The following MACROD2 variants were observed in gnomAD, a reference collection of about 807,000 sequenced individuals.
MACROD2 encodes the protein ADP-ribose glycohydrolase MACROD2.
In MACROD2, 36 loss-of-function variants were observed where a neutral mutation model predicts 70.4. The ratio of observed to expected loss-of-function variants is 0.51; its 90% CI spans 0.39 to 0.68. The LOEUF is 0.68. Ranked by LOEUF, MACROD2 falls within the 30% of genes least tolerant of loss-of-function variation. MACROD2 has a pLI of 0.00. For synonymous variants in MACROD2, 172 were observed against 178.8 expected (o/e 0.96, Z 0.30); for missense variants, 496 against 538.4 (o/e 0.92, Z 0.78).
chr20:15,470,331 G>A (rs765983656), intron 7 of MACROD2, among the ~76,000 whole-genome samples: 7 of 152,210 alleles, frequency 4.6e-5, no homozygotes, highest in Non-Finnish European at 1.0e-4. Flanking sequence ...TTATAGGCAT[G>A]AGCCACTGCG....
At chr20:14,235,868 T>A (rs2081864906) in intron 3 of MACROD2, among the ~76,000 whole-genome samples, 1 of 151,836 alleles carries the variant, frequency 6.6e-6, no homozygotes, top group African/African-American at 2.4e-5. Context: ...CCATCTTTTA[T>A]AAGGTTTCAC....
intron 7 of MACROD2, among the ~76,000 whole-genome samples, chr20:15,481,060 A>G (rs1348289623): frequency 6.6e-6 from 1 of 152,246 alleles, no homozygotes; most frequent in Non-Finnish European, 1.5e-5. Flanking sequence ...CTCTAACCAT[A>G]GCATTCTTCA....
chr20:14,862,348 A>T (rs867977943), intron 5 of MACROD2, among the ~76,000 whole-genome samples: 4 of 11,058 alleles, frequency 3.6e-4, no homozygotes, highest in South Asian at 3.6e-3. Context: ...TTAATATATA[A>T]AAATATATAT....
rs1600816889 is a variant in MACROD2, at chr20:15,731,177, C to T, written c.646-131568C>T. ...ATAGTCTGAATTTTATTTCTGTAAT[C>T]TCAGCCATTTCAGCCTGGTTAAGAA... On this transcript the variant is annotated intron_variant, in intron 8 of 17. Coordinates refer to ENST00000684519, the MANE Select transcript of MACROD2 (RefSeq NM_001351661.2). Among the ~76,000 whole-genome samples the T allele has an allele frequency of 3.4e-5, 2 of 58,546 alleles. 1 individual carries two copies. Among genetic ancestry groups the T allele is most frequent in the African/African-American group, 9.4e-5 (2 of 21,208 alleles). The allele number at this position is 58,546 out of a possible 152,430, so 38.4% of individuals were successfully genotyped here.
In MACROD2 at chr20:15,001,589, C is replaced by T. The variant is rs529247448; in HGVS notation, c.419-228351C>T. ...GCTGCAATATGCTATGTCCATTTTCCGTTTGACTAAATCAATTTGAAAACA... is the reference window on the plus strand; with the variant it reads ...GCTGCAATATGCTATGTCCATTTTCTGTTTGACTAAATCAATTTGAAAACA... On this transcript the variant is annotated intron_variant, in intron 5 of 17. Transcript: ENST00000684519. 3.9e-4 allele frequency among the ~76,000 whole-genome samples: 59 copies of T among 151,996 alleles called. 1 individual carries two copies. Among genetic ancestry groups the T allele is most frequent in the African/African-American group, 1.2e-3 (51 of 41,468 alleles).
intron 8 of MACROD2, among the ~76,000 whole-genome samples, chr20:15,759,076 G>A (rs2051393936): frequency 6.9e-6 from 1 of 144,380 alleles, no homozygotes; most frequent in South Asian, 2.2e-4. Context: ...GAACCTGGAG[G>A]TGGAAGTTGT....
intron 9 of MACROD2, among the ~76,000 whole-genome samples, chr20:15,871,990 G>C (rs1489898329): frequency 6.6e-6 from 1 of 152,162 alleles, no homozygotes; most frequent in African/African-American, 2.4e-5. Context: ...GTGAACAAAG[G>C]CTAAAGAAAA....
At chr20:14,577,836 A>AGAGAAGAGAAGAGAAGAG (rs1568680705) in intron 4 of MACROD2, among the ~76,000 whole-genome samples, 15 of 151,824 alleles carry the variant, frequency 9.9e-5, no homozygotes, top group South Asian at 2.1e-4. Context: ...AGAGAAGAGA[A>AGAGAAGAGAAGAGAAGAG]AACAACTATG....
intron 6 of MACROD2, among the ~76,000 whole-genome samples, chr20:15,372,091 T>C (rs2146263395): frequency 6.6e-6 from 1 of 152,350 alleles, no homozygotes; most frequent in Non-Finnish European, 1.5e-5. Flanking sequence ...CAGTTCTATA[T>C]TATGAATATG....
chr20:15,664,845 G>A (rs2049875973), intron 8 of MACROD2, among the ~76,000 whole-genome samples: 1 of 152,082 alleles, frequency 6.6e-6, no homozygotes, highest in Non-Finnish European at 1.5e-5. Context: ...TCAGGGTGTG[G>A]GGAGGTATAC....
chr20:14,452,738 C>G (rs1472741297), intron 3 of MACROD2, among the ~76,000 whole-genome samples: 1 of 152,114 alleles, frequency 6.6e-6, no homozygotes, highest in Non-Finnish European at 1.5e-5. Context: ...ATTGTGAATC[C>G]TTTGGTAAAC....
intron 8 of MACROD2, among the ~76,000 whole-genome samples, chr20:15,500,706 G>A (rs1329566977): frequency 6.6e-6 from 1 of 152,182 alleles, no homozygotes; most frequent in Non-Finnish European, 1.5e-5. Flanking sequence ...ATGGAAACAG[G>A]TGACGGGGTT....
At chr20:15,978,369 T>C (rs1409887111) in intron 13 of MACROD2, among the ~76,000 whole-genome samples, 1 of 151,738 alleles carries the variant, frequency 6.6e-6, no homozygotes, top group Non-Finnish European at 1.5e-5. Flanking sequence ...ATGGGGGAGG[T>C]CATGAGAAAC....
chr20:15,868,106 G>A (rs1568606737), intron 9 of MACROD2, among the ~76,000 whole-genome samples: 1 of 152,200 alleles, frequency 6.6e-6, no homozygotes, highest in Non-Finnish European at 1.5e-5. Context: ...GGCTCCATCT[G>A]CTGGTACTGT....
intron 3 of MACROD2, among the ~76,000 whole-genome samples, chr20:14,161,830 G>A (rs1424832295): frequency 2.0e-5 from 3 of 150,992 alleles, no homozygotes; most frequent in South Asian, 2.1e-4. Context: ...TCCTGACCTC[G>A]TGATCCACCC....
intron 15 of MACROD2, among the ~76,000 whole-genome samples, chr20:16,021,099 A>T (rs554973644): frequency 6.6e-6 from 1 of 152,188 alleles, no homozygotes; most frequent in South Asian, 2.1e-4. Context: ...GCAAATTTTT[A>T]ATAGAAAATG....
At chr20:15,786,202 G>T (rs1448547144) in intron 8 of MACROD2, among the ~76,000 whole-genome samples, 1 of 149,154 alleles carries the variant, frequency 6.7e-6, no homozygotes, top group Non-Finnish European at 1.5e-5. Context: ...TTCTAGATTA[G>T]ATGACAGCTA....
rs564003755 is a variant in MACROD2 at position 14,605,491 on chromosome 20, G to A, written c.302-79352G>A. 1.6e-4 allele frequency among the ~76,000 whole-genome samples: 25 copies of A among 152,198 alleles called. No homozygotes were observed. The East Asian group carries it at 3.3e-3, about 20-fold the overall frequency. The stretch of plus-strand genomic sequence containing the variant: ...GATCATTGGCAAAGACATTATTTCC[G>A]AATAAGGTCCCACTCGTAGGTGCTG... On this transcript the variant is annotated intron_variant, in intron 4 of 17. Coordinates refer to ENST00000684519, the MANE Select transcript of MACROD2 (RefSeq NM_001351661.2).
At chr20:14,416,999 A>G (rs748371781) in intron 3 of MACROD2, among the ~76,000 whole-genome samples, 21 of 152,136 alleles carry the variant, frequency 1.4e-4, no homozygotes, top group Non-Finnish European at 2.6e-4. Flanking sequence ...TGTTATGTGA[A>G]CACACAGACA....
Sources: allele counts gnomAD v4.1 joint callset (sites outside exome capture counted in the v4.1 genomes callset), GRCh38; gene constraint gnomAD v4.1.1; transcripts MANE v1.5; gene names NCBI Gene and HGNC (gene_info 2026-07-23, HGNC 2026-07-21).